ANKRD44: variants seen among roughly 807,000 people sequenced by gnomAD.
The protein encoded by ANKRD44 is ankyrin repeat domain 44.
ANKRD44 carries 35 observed loss-of-function variants against 116.0 expected under a neutral mutation model. The ratio of observed to expected loss-of-function variants is 0.30; its 90% CI spans 0.23 to 0.40. The LOEUF (loss-of-function observed/expected upper bound fraction) is 0.40. Ranked by LOEUF, ANKRD44 falls within the 10% of genes least tolerant of loss-of-function variation. The pLI, the probability that ANKRD44 is intolerant of heterozygous loss-of-function variation, is 1.00. For missense variants in ANKRD44, 1,014 were observed against 1,242.6 expected, an observed-to-expected ratio of 0.82 and a Z score of 2.77; for synonymous variants, 435 against 461.8, an observed-to-expected ratio of 0.94 and a Z score of 0.74.
chr2:197,256,646 GA>G (rs2082454764), intron 1 of ANKRD44, among the ~76,000 whole-genome samples: 1 of 152,116 alleles, frequency 6.6e-6, no homozygotes, highest in African/African-American at 2.4e-5. Context: ...TCTTTCCCAA[GA>G]AGGCTTCATG....
At chr2:197,077,370 C>G (rs913530365) in intron 16 of ANKRD44, among the ~76,000 whole-genome samples, 3 of 152,098 alleles carry the variant, frequency 2.0e-5, no homozygotes, top group Non-Finnish European at 4.4e-5. Flanking sequence ...CTTTCAGAAC[C>G]CTTTCCTCCT....
rs565419579 is a variant in ANKRD44 at position 197,087,345 on chromosome 2, A to T, written c.1248-597T>A. Among the ~76,000 whole-genome samples the T allele has an allele frequency of 2.0e-5, 3 of 152,346 alleles. No individual in the cohort carries two copies. The South Asian group carries it at 6.2e-4, about 32-fold the overall frequency. ...TCCATAGCTTCTTTATCATTTGCAG[A>T]AGCAATAAATCATATTTAGTAGAGA... is the stretch of plus-strand genomic sequence containing the variant. On this transcript the variant is annotated intron_variant, in intron 12 of 27. Transcript: ENST00000282272.
chr2:196,989,018 G>A lies in ANKRD44; in HGVS notation c.*573C>T, dbSNP rs1014699922. ...ACTGTGGCTGAGCAGTAGAAGATGC[G>A]TAGCCCTCTCTAACCAACGCGGAAG... On this transcript the variant is annotated 3_prime_UTR_variant, in exon 28 of 28. Coordinates refer to ENST00000282272, the MANE Select transcript of ANKRD44 (RefSeq NM_001195144.2). The A allele has an allele frequency of 2.3e-5, 23 of 985,320 alleles. No individual in the cohort carries two copies. Among genetic ancestry groups the A allele is most frequent in the Middle Eastern group, 1.0e-3 (2 of 1,936 alleles). 61.0% of individuals were successfully genotyped at this position (985,320 alleles called of 1,614,324 possible).
At position 196,988,855 on chromosome 2, in the gene ANKRD44, C is replaced by A. The variant is rs2075869911; in HGVS notation, c.*736G>T. ...CATCAGGTTACTGAGACTATGTGAGCTTTTCAGTGTACTTAGGGTAATTTC... is the reference window on the plus strand; with the variant it reads ...CATCAGGTTACTGAGACTATGTGAGATTTTCAGTGTACTTAGGGTAATTTC... On this transcript the variant is annotated 3_prime_UTR_variant, in exon 28 of 28. Coordinates refer to ENST00000282272, the MANE Select transcript of ANKRD44 (RefSeq NM_001195144.2). 2.0e-6 allele frequency: 2 copies of A among 985,422 alleles called. No individual in the cohort carries two copies. The highest frequency in any genetic ancestry group is 2.4e-6 in the Non-Finnish European group (2 of 829,932). 61.0% of individuals were successfully genotyped at this position (985,422 alleles called of 1,614,324 possible). A position where few individuals can be genotyped will look rare whatever the true frequency, so the allele number is the denominator to read the frequency against.
At chr2:196,975,492 C>G (rs551879452) in intron 21 of ANKRD44, among the ~76,000 whole-genome samples, 1 of 152,076 alleles carries the variant, frequency 6.6e-6, no homozygotes, top group Non-Finnish European at 1.5e-5. Context: ...AAGAAAAATA[C>G]GTCAAAAGGG....
intron 17 of ANKRD44, among the ~76,000 whole-genome samples, chr2:197,019,977 A>G (rs1054647603): frequency 4.6e-5 from 7 of 151,676 alleles, no homozygotes; most frequent in Non-Finnish European, 1.0e-4. Context: ...TTGTATTTTT[A>G]TTTTTATTTT....
chr2:197,156,558 T>C (rs2079820330), intron 2 of ANKRD44, among the ~76,000 whole-genome samples: 1 of 152,210 alleles, frequency 6.6e-6, no homozygotes, highest in African/African-American at 2.4e-5. Flanking sequence ...TCTTAAAAAC[T>C]TAAACATACA....
chr2:197,032,831 T>G (rs2076732909), intron 16 of ANKRD44, among the ~76,000 whole-genome samples: 1 of 152,184 alleles, frequency 6.6e-6, no homozygotes, highest in Non-Finnish European at 1.5e-5. Context: ...TGAACACAGA[T>G]CATTAACTGA....
chr2:197,278,783 G>A (rs892216652), intron 1 of ANKRD44, among the ~76,000 whole-genome samples: 12 of 152,148 alleles, frequency 7.9e-5, no homozygotes, highest in South Asian at 4.1e-4. Flanking sequence ...CTCTCATTGC[G>A]ACACGTAGGT....
chr2:197,099,099 T>C (rs185468560), intron 10 of ANKRD44, among the ~76,000 whole-genome samples: 84 of 152,294 alleles, frequency 5.5e-4, no homozygotes, highest in Non-Finnish European at 1.0e-3. Context: ...CTAAAATTCA[T>C]CTTCTCCTTG....
At chr2:196,979,605 C>G (rs1034073596) in intron 21 of ANKRD44, among the ~76,000 whole-genome samples, 41 of 136,006 alleles carry the variant, frequency 3.0e-4, no homozygotes, top group Non-Finnish European at 5.5e-4. Context: ...CTCTTGTTGC[C>G]CAGGCTGGAG....
chr2:197,150,150 A>G (rs1463115888), intron 2 of ANKRD44, among the ~76,000 whole-genome samples: 1 of 152,206 alleles, frequency 6.6e-6, no homozygotes, highest in East Asian at 1.9e-4. Context: ...TTTAAAAGAT[A>G]AAGAATCTGA....
intron 1 of ANKRD44, among the ~76,000 whole-genome samples, chr2:197,232,850 AAGAAG>A (rs2081896860): frequency 6.6e-6 from 1 of 152,224 alleles, no homozygotes; most frequent in Non-Finnish European, 1.5e-5. Context: ...CAAGCATACC[AAGAAG>A]AGATGGAAGG....
rs76016388 is a variant in ANKRD44 at position 197,243,056 on chromosome 2, A to G, written c.28-55950T>C. On this transcript the variant is annotated intron_variant, in intron 1 of 27. Coordinates refer to ENST00000282272, the MANE Select transcript of ANKRD44 (RefSeq NM_001195144.2). Reference sequence around the variant, plus strand: ...AGCTCTGCTGGAACTCAGTTTCTAGAAAGTGTTGAGATTTCCTCCAATTTC... The same window carrying G: ...AGCTCTGCTGGAACTCAGTTTCTAGGAAGTGTTGAGATTTCCTCCAATTTC... 7.7e-3 allele frequency among the ~76,000 whole-genome samples: 1,169 copies of G among 152,338 alleles called. 11 individuals are homozygous for G. The highest frequency in any genetic ancestry group is 0.026 in the African/African-American group (1,092 of 41,564).
intron 1 of ANKRD44, 132 bp from the exon 2 acceptor site, chr2:197,187,238 G>T: frequency 1.2e-6 from 1 of 803,702 alleles, no homozygotes. Context: ...AGATGAATAA[G>T]ACTCAGACCA....
intron 27 of ANKRD44, chr2:196,990,442 T>C: frequency 8.5e-7 from 1 of 1,181,734 alleles, no homozygotes; most frequent in Non-Finnish European, 1.0e-6. Context: ...AAATGAGAGG[T>C]AGACTTTCAC....
intron 1 of ANKRD44, among the ~76,000 whole-genome samples, chr2:197,279,923 C>T (rs56237755): frequency 0.04 from 6,031 of 152,274 alleles, 381 homozygotes; most frequent in African/African-American, 0.14. Flanking sequence ...CTCACCTCTT[C>T]GCCTCACAGC....
chr2:197,307,551 G>A (rs1218068383), intron 1 of ANKRD44, among the ~76,000 whole-genome samples: 85 of 133,830 alleles, frequency 6.4e-4, no homozygotes, highest in Middle Eastern at 3.7e-3. Flanking sequence ...TTTTTACAGT[G>A]AAAAAAAAAA....
intron 1 of ANKRD44, among the ~76,000 whole-genome samples, chr2:197,270,265 T>G (rs2082860589): frequency 6.6e-6 from 1 of 152,004 alleles, no homozygotes; most frequent in Non-Finnish European, 1.5e-5. Flanking sequence ...CACATGCCAC[T>G]CGGGAGTCAG....
Sources: gnomAD v4.1 joint callset for allele counts (sites outside exome capture counted in the v4.1 genomes callset) on GRCh38, gnomAD v4.1.1 for gene constraint, MANE v1.5 for transcripts, NCBI Gene and HGNC (gene_info 2026-07-23, HGNC 2026-07-21) for gene names.